Variants in MPPED1 observed in about 807,000 individuals in gnomAD.
The protein encoded by MPPED1 is metallophosphoesterase domain-containing protein 1.
A neutral mutation model predicts 36.2 loss-of-function variants in MPPED1; 16 were observed. The observed-to-expected ratio is 0.44, with a 90% CI of 0.30 to 0.67. The LOEUF is 0.67. Ranked by LOEUF, MPPED1 falls within the 30% of genes least tolerant of loss-of-function variation. MPPED1 has a pLI of 0.10. For synonymous variants in MPPED1, 199 were observed against 191.3 expected (o/e 1.04, Z -0.33); for missense variants, 307 against 453.4 (o/e 0.68, Z 2.93).
At chr22:43,483,256 GA>G (rs2146895267) in intron 4 of MPPED1, among the ~76,000 whole-genome samples, 1 of 152,366 alleles carries the variant, frequency 6.6e-6, no homozygotes, top group Non-Finnish European at 1.5e-5. Context: ...CCTCCCACCA[GA>G]ACGGGGCCGA....
intron 3 of MPPED1, among the ~76,000 whole-genome samples, chr22:43,442,901 G>A (rs1396847030): frequency 6.6e-6 from 1 of 152,142 alleles, no homozygotes; most frequent in Non-Finnish European, 1.5e-5. Flanking sequence ...CTCTCCCGCG[G>A]GGCTGTGACT....
intron 2 of MPPED1, 125 bp downstream of exon 2, chr22:43,425,334 A>G (rs1298839674): frequency 2.8e-6 from 4 of 1,413,596 alleles, no homozygotes; most frequent in Non-Finnish European, 2.8e-6. Flanking sequence ...GACTGCAACA[A>G]TTCTGGAATT....
chr22:43,459,573 G>C (rs79867512), intron 3 of MPPED1, among the ~76,000 whole-genome samples: 1 of 152,086 alleles, frequency 6.6e-6, no homozygotes, highest in Non-Finnish European at 1.5e-5. Flanking sequence ...CTTCAGGTTT[G>C]CTCATTCTTT....
intron 4 of MPPED1, among the ~76,000 whole-genome samples, chr22:43,477,607 T>C (rs770176453): frequency 1.3e-5 from 2 of 152,176 alleles, no homozygotes; most frequent in Non-Finnish European, 2.9e-5. Flanking sequence ...CCTGGTCTCA[T>C]CTTGCCACGG....
Position 43,424,966 on chromosome 22 carries a change from G to T in MPPED1, c.-20G>T. On this transcript the variant is annotated 5_prime_UTR_variant, in exon 2 of 7. Transcript: ENST00000443721. ...GGTGGCGGCAGCGGTGGGAGATGCC[G>T]GGGCGGCCGGCGGAGGTCCATGTGG... The T allele has an allele frequency of 6.4e-7, 1 of 1,562,398 alleles. No individual in the cohort carries two copies. The highest frequency in any genetic ancestry group is 2.4e-5 in the East Asian group (1 of 41,692).
At chr22:43,428,504 C>A (rs1929560140) in intron 2 of MPPED1, among the ~76,000 whole-genome samples, 1 of 152,188 alleles carries the variant, frequency 6.6e-6, no homozygotes, top group Non-Finnish European at 1.5e-5. Flanking sequence ...GAATGGATTT[C>A]CATGGCGAGT....
intron 4 of MPPED1, among the ~76,000 whole-genome samples, chr22:43,491,646 GTTA>G (rs2146905341): frequency 6.8e-6 from 1 of 147,814 alleles, no homozygotes; most frequent in Admixed American, 6.7e-5. Flanking sequence ...GGAGGTGGTG[GTTA>G]TGGAGGTGGT....
intron 5 of MPPED1, among the ~76,000 whole-genome samples, chr22:43,500,275 TGGCGGTGGTGATGGG>T (rs1932661069): frequency 9.5e-6 from 1 of 104,876 alleles, no homozygotes; most frequent in Non-Finnish European, 1.9e-5. Context: ...GTGATGGAGG[TGGCGGTGGTGATGGG>T]GGTGGTGGTG....
chr22:43,467,656 G>A (rs145805333), intron 3 of MPPED1, among the ~76,000 whole-genome samples: 12 of 152,314 alleles, frequency 7.9e-5, no homozygotes, highest in African/African-American at 2.9e-4. Flanking sequence ...TTTAAACACA[G>A]AACTGTCAAA....
At chr22:43,437,795 C>T (rs1184633804) in intron 3 of MPPED1, among the ~76,000 whole-genome samples, 2 of 152,126 alleles carry the variant, frequency 1.3e-5, no homozygotes, top group East Asian at 3.9e-4. Context: ...GTTATGATTG[C>T]CCCCATGAAC....
chr22:43,474,881 G>T lies in MPPED1; in HGVS notation c.552G>T (p.Val184=). ...SKLKPENYEN[V]QSLLTNCIYL... ...TGAAGCCGGAGAACTATGAGAATGT[G>T]CAGTCGCTGCTGACCAACTGCATCT... Residue 184 remains valine (V), a synonymous_variant, in exon 4 of 7, where the codon GTG becomes GTT. Coordinates refer to ENST00000443721, the MANE Select transcript of MPPED1 (RefSeq NM_001044370.2). This position sits in a 1 kb window ranked among gnomAD's most constrained non-coding sequence, Gnocchi z 5.2. The T allele has an allele frequency of 6.2e-7, 1 of 1,614,050 alleles. No individual in the cohort carries two copies.
Position 43,505,648 on chromosome 22 carries a change from G to A in MPPED1, c.*32G>A, listed in dbSNP as rs748436302. 201 of 1,562,586 alleles carry A rather than the reference G, an allele frequency of 1.3e-4. 1 individual carries two copies. The Admixed American group carries it at 1.5e-3, about 12-fold the overall frequency. ...CCCACTGCCCCTGCCCTGCCCGCCC[G>A]TGTCAGCTCCACAGGCCTGGCCCGG... is the stretch of plus-strand genomic sequence containing the variant. On this transcript the variant is annotated 3_prime_UTR_variant, in exon 7 of 7. Transcript: ENST00000443721.
At chr22:43,504,640 G>C (rs1932775180) in intron 6 of MPPED1, among the ~76,000 whole-genome samples, 1 of 151,934 alleles carries the variant, frequency 6.6e-6, no homozygotes, top group Non-Finnish European at 1.5e-5. Flanking sequence ...GATGGTGGTG[G>C]TGAGAATGGC....
rs181043548 is a variant in MPPED1, at chr22:43,484,211, C to T, written c.632+9250C>T. 2.0e-5 allele frequency among the ~76,000 whole-genome samples: 3 copies of T among 152,356 alleles called. No individual in the cohort carries two copies. The East Asian group carries it at 5.8e-4, about 29-fold the overall frequency. On this transcript the variant is annotated intron_variant, in intron 4 of 6. Coordinates refer to ENST00000443721, the MANE Select transcript of MPPED1 (RefSeq NM_001044370.2). Reference sequence around the variant, plus strand: ...CAAAGACTTTCCCCGCTGCTTCATACTCGAGACCCGCATTCGGCCGACTGC... The same window carrying T: ...CAAAGACTTTCCCCGCTGCTTCATATTCGAGACCCGCATTCGGCCGACTGC...
At position 43,474,156 on chromosome 22, in the gene MPPED1, G is replaced by T. The variant is rs80314856; in HGVS notation, c.407-580G>T. ...AGGATAAAGAGTCCAAGATACCCAG[G>T]GGGTGGGGGCCTGGGACCGTGAGGC... is the stretch of plus-strand genomic sequence containing the variant. On this transcript the variant is annotated intron_variant, in intron 3 of 6. Transcript: ENST00000443721. This position sits in a 1 kb window ranked among gnomAD's most constrained non-coding sequence, Gnocchi z 5.2. Among the ~76,000 whole-genome samples, 1 of 152,186 alleles carries T rather than the reference G, an allele frequency of 6.6e-6. No individual in the cohort carries two copies. Among genetic ancestry groups the T allele is most frequent in the Admixed American group, 6.5e-5 (1 of 15,276 alleles).
At chr22:43,460,264 C>T (rs1035207515) in intron 3 of MPPED1, among the ~76,000 whole-genome samples, 1 of 74,162 alleles carries the variant, frequency 1.3e-5, no homozygotes, top group Non-Finnish European at 2.6e-5. Context: ...CAAACCCAAA[C>T]CCCCCCCCCC....
chr22:43,418,667 G>C (rs770678330), intron 1 of MPPED1: 4 of 161,026 alleles, frequency 2.5e-5, no homozygotes, highest in Non-Finnish European at 5.5e-5. Flanking sequence ...GGCTAGTTTC[G>C]TGTCTGGGTC....
chr22:43,432,169 TC>T (rs1929710704), intron 2 of MPPED1, among the ~76,000 whole-genome samples: 1 of 151,724 alleles, frequency 6.6e-6, no homozygotes, highest in African/African-American at 2.4e-5. Context: ...TTAGTCTTTG[TC>T]ACCTTATGAC....
intron 1 of MPPED1, among the ~76,000 whole-genome samples, chr22:43,414,359 G>C (rs1161945587): frequency 6.6e-6 from 1 of 152,066 alleles, no homozygotes; most frequent in Non-Finnish European, 1.5e-5. Flanking sequence ...GAGGAATGAC[G>C]GTGGTCGCTG....
Sources: allele counts gnomAD v4.1 joint callset (sites outside exome capture counted in the v4.1 genomes callset), GRCh38; gene constraint gnomAD v4.1.1; non-coding constraint Gnocchi (gnomAD v3.1); transcripts MANE v1.5; gene names NCBI Gene and HGNC (gene_info 2026-07-23, HGNC 2026-07-21).